SNED1: variants seen among roughly 807,000 people sequenced by gnomAD.
SNED1 encodes sushi, nidogen and EGF-like domain-containing protein 1.
SNED1 carries 81 observed loss-of-function variants against 166.7 expected under a neutral mutation model. That is an observed-to-expected ratio of 0.49 (90% CI 0.41 to 0.58). SNED1 has a LOEUF of 0.58. Ranked by LOEUF, SNED1 falls within the 20% of genes least tolerant of loss-of-function variation. The pLI, the probability that SNED1 is intolerant of heterozygous loss-of-function variation, is 0.00. For synonymous variants in SNED1, 762 were observed against 822.0 expected (o/e 0.93, Z 1.25); for missense variants, 1,604 against 2,000.2 (o/e 0.80, Z 3.78).
At chr2:241,016,077 T>TTTAATGGCAAATTAAATTAATAAAG (rs2060576255) in intron 1 of SNED1, 1 of 151,978 alleles carries the variant, frequency 6.6e-6, no homozygotes, top group East Asian at 1.9e-4. Context: ...ATAAAGTTAA[T>TTTAATGGCAAATTAAATTAATAAAG]TTAATGGCAA....
chr2:241,056,639 G>T (rs1355586911), intron 16 of SNED1, among the ~76,000 whole-genome samples: 1 of 141,012 alleles, frequency 7.1e-6, no homozygotes, highest in Middle Eastern at 4.3e-3. Context: ...GGAGTGCAGT[G>T]GCACGATCTC....
rs2060650751 is a variant in SNED1 at position 241,018,007 on chromosome 2, C to T, written c.214-12277C>T. The stretch of plus-strand genomic sequence containing the variant: ...AATTGAAAGTCTCATGTCCCGGGGA[C>T]CCCCTCAGTTCCAGGCAAACCAAGG... On this transcript the variant is annotated intron_variant, in intron 1 of 31. Transcript: ENST00000310397. The surrounding 1 kb of genome is among the most constrained non-coding windows in gnomAD (Gnocchi z 5.4). Among the ~76,000 whole-genome samples, 2 of 149,560 alleles carry T rather than the reference C, an allele frequency of 1.3e-5. 1 individual carries two copies. The highest frequency in any genetic ancestry group is 4.1e-4 in the South Asian group (2 of 4,826).
At chr2:241,004,011 G>C (rs1373213718) in intron 1 of SNED1, among the ~76,000 whole-genome samples, 1 of 152,280 alleles carries the variant, frequency 6.6e-6, no homozygotes, top group Non-Finnish European at 1.5e-5. Context: ...GGGCCAGGCT[G>C]TCCTATGTGA....
intron 1 of SNED1, among the ~76,000 whole-genome samples, chr2:241,024,706 C>G (rs996018488): frequency 2.0e-4 from 16 of 78,850 alleles, no homozygotes; most frequent in Non-Finnish European, 3.5e-4. Context: ...GAGTCTCGCT[C>G]TGTTGCCCAG....
rs371840785 is a variant in SNED1 at position 241,095,489 on chromosome 2, T to C, written c.*3853T>C. On this transcript the variant is annotated 3_prime_UTR_variant, in exon 32 of 32. Coordinates refer to ENST00000310397, the MANE Select transcript of SNED1 (RefSeq NM_001080437.3). Reference sequence around the variant, plus strand: ...ATACCATTATGAAGCAATATACTTTTGGATTAAAAATAAGCATTTTTGTGG... The same window carrying C: ...ATACCATTATGAAGCAATATACTTTCGGATTAAAAATAAGCATTTTTGTGG... The C allele has an allele frequency of 8.1e-5, 13 of 160,498 alleles. No individual in the cohort carries two copies. The highest frequency in any genetic ancestry group is 7.4e-4 in the East Asian group (4 of 5,436). 9.9% of individuals were successfully genotyped at this position (160,498 alleles called of 1,614,324 possible). A position where few individuals can be genotyped will look rare whatever the true frequency, so the allele number is the denominator to read the frequency against.
Position 241,052,000 on chromosome 2 carries a change from G to C in SNED1, c.1853-41G>C. On this transcript the variant is annotated intron_variant, in intron 13 of 31. Transcript: ENST00000310397. The surrounding 1 kb of genome is among the most constrained non-coding windows in gnomAD (Gnocchi z 4.7). ...CTCTGGGATGTTGGGGAACGTGGGAGGGGCAGTGGGCTGTGACCCTGACCT... is the reference window on the plus strand; with the variant it reads ...CTCTGGGATGTTGGGGAACGTGGGACGGGCAGTGGGCTGTGACCCTGACCT... 1.3e-6 allele frequency: 2 copies of C among 1,573,158 alleles called. 1 individual carries two copies. Among genetic ancestry groups the C allele is most frequent in the Non-Finnish European group, 1.7e-6 (2 of 1,145,470 alleles).
In SNED1 at chr2:241,073,377, C is replaced by T. The variant is rs367550312; in HGVS notation, c.3916+13C>T. 3.1e-5 allele frequency: 48 copies of T among 1,554,176 alleles called. No homozygotes were observed. The highest frequency in any genetic ancestry group is 1.9e-4 in the East Asian group (8 of 41,352). ...AAGGACATCGGAAGTGAGTCAGCAG[C>T]GCTGGTGGGGACTTTGGGACTGACT... On this transcript the variant is annotated intron_variant, in intron 27 of 31. Transcript: ENST00000310397. The surrounding 1 kb of genome is among the most constrained non-coding windows in gnomAD (Gnocchi z 6.6).
chr2:241,032,833 A>AT (rs1014806963), intron 2 of SNED1, among the ~76,000 whole-genome samples: 1 of 151,726 alleles, frequency 6.6e-6, no homozygotes, highest in Non-Finnish European at 1.5e-5. Context: ...ACCCTCTGAC[A>AT]TTTTTTCTGT....
Position 241,048,414 on chromosome 2 carries a change from G to C in SNED1, c.1373G>C (p.Gly458Ala), listed in dbSNP as rs767510996. 2.0e-5 allele frequency: 33 copies of C among 1,610,384 alleles called. No homozygotes were observed. In the Admixed American group the frequency reaches 3.7e-4, roughly 18 times the overall value. ...DQGYVCECPE[G>A]FMGLDCRERV... Reference sequence around the variant, plus strand: ...GGCTACGTGTGCGAGTGCCCCGAAGGCTTCATGGGCCTGGACTGCAGGGAG... The same window carrying C: ...GGCTACGTGTGCGAGTGCCCCGAAGCCTTCATGGGCCTGGACTGCAGGGAG... The change falls in exon 9 of 32, where the codon GGC becomes GCC. Residue 458 changes from glycine (G) to alanine (A), a missense_variant. Gly to Ala is a moderately conservative substitution (Grantham distance 60). Transcript: ENST00000310397.
chr2:241,034,078 G>A (rs1574939844), intron 3 of SNED1, among the ~76,000 whole-genome samples: 1 of 152,296 alleles, frequency 6.6e-6, no homozygotes, highest in East Asian at 1.9e-4. Flanking sequence ...AGGCACCTTT[G>A]TCCCCCTGAC....
At chr2:241,017,411 T>C (rs2060630790) in intron 1 of SNED1, among the ~76,000 whole-genome samples, 1 of 152,188 alleles carries the variant, frequency 6.6e-6, no homozygotes, top group Admixed American at 6.5e-5. Context: ...CCAAGAAACA[T>C]GGAGCCTGGG....
At chr2:241,007,382 G>A (rs573875648) in intron 1 of SNED1, among the ~76,000 whole-genome samples, 10 of 152,194 alleles carry the variant, frequency 6.6e-5, no homozygotes, top group South Asian at 2.1e-4. Context: ...TCATTTGTTC[G>A]TTCCTTCAGT....
intron 16 of SNED1, among the ~76,000 whole-genome samples, chr2:241,055,084 T>A (rs2062002709): frequency 6.6e-6 from 1 of 151,504 alleles, no homozygotes; most frequent in Admixed American, 6.6e-5. Context: ...GCCACTGAAC[T>A]CCTACTTGGG....
At chr2:241,083,576 G>A (rs2063433805) in intron 29 of SNED1, among the ~76,000 whole-genome samples, 1 of 152,170 alleles carries the variant, frequency 6.6e-6, no homozygotes, top group East Asian at 1.9e-4. Context: ...TGGGATTTGG[G>A]AAGCCGTGTT....
At position 241,070,183 on chromosome 2, in the gene SNED1, C is replaced by T. The variant is rs756753352; in HGVS notation, c.3571C>T (p.His1191Tyr). ...CGGGCCGCAGCACAGCGAGCCCGCC[C>T]ACCTCTACATCATCACCTGTGAGTG... ...ELGPQHSEPA[H>Y]LYIITSPRDG... The change falls in exon 24 of 32, where the codon CAC becomes TAC. Residue 1191 changes from histidine to tyrosine, a missense_variant. Around this residue, in one of 2 missense-constraint regions of SNED1, gnomAD observed 367 missense variants for 379.4 expected, o/e 0.97. Transcript: ENST00000310397. The T allele has an allele frequency of 1.9e-6, 3 of 1,605,980 alleles. No individual in the cohort carries two copies. The South Asian group carries it at 3.3e-5, about 18-fold the overall frequency.
At chr2:241,078,863 C>T (rs974872753) in intron 27 of SNED1, among the ~76,000 whole-genome samples, 6 of 152,068 alleles carry the variant, frequency 3.9e-5, no homozygotes, top group Non-Finnish European at 7.4e-5. Flanking sequence ...CCTGTAATCC[C>T]AGCACTTTGG....
intron 20 of SNED1, 74 bp from the exon 21 acceptor site, chr2:241,065,225 C>A: frequency 1.3e-6 from 2 of 1,504,106 alleles, no homozygotes; most frequent in South Asian, 1.2e-5. Context: ...CCGGCTGAGC[C>A]GCCGACGGGA....
chr2:241,082,919 G>A (rs918070589), intron 29 of SNED1, among the ~76,000 whole-genome samples: 49 of 151,650 alleles, frequency 3.2e-4, no homozygotes, highest in Admixed American at 2.4e-3. Context: ...GCTGTGTGCC[G>A]GGCACTGTCC....
intron 2 of SNED1, among the ~76,000 whole-genome samples, chr2:241,031,792 G>C (rs190152744): frequency 2.5e-4 from 38 of 152,320 alleles, no homozygotes; most frequent in Non-Finnish European, 4.9e-4. Context: ...CTGAAGCAGA[G>C]CACGTAGTTT....
Sources: allele counts gnomAD v4.1 joint callset (sites outside exome capture counted in the v4.1 genomes callset), GRCh38; gene constraint gnomAD v4.1.1; regional missense constraint gnomAD v4.1.1; non-coding constraint Gnocchi (gnomAD v3.1); transcripts MANE v1.5; gene names NCBI Gene and HGNC (gene_info 2026-07-23, HGNC 2026-07-21).